LSM14A: variants seen among roughly 807,000 people sequenced by gnomAD.
LSM14A encodes LSM14A mRNA processing body assembly factor, also known as protein LSM14 homolog A.
A neutral mutation model predicts 52.4 loss-of-function variants in LSM14A; 14 were observed. The ratio of observed to expected loss-of-function variants is 0.27; its 90% CI spans 0.18 to 0.42. The LOEUF (loss-of-function observed/expected upper bound fraction) is 0.42. LSM14A is among the 10% of genes least tolerant of loss of function. The pLI is 1.00. For missense variants in LSM14A, 417 were observed against 581.8 expected (o/e 0.72, Z 2.91); for synonymous variants, 185 against 200.3 (o/e 0.92, Z 0.64).
rs1275548737 is a variant in LSM14A, at chr19:34,228,662, C to T, written c.*1274C>T. 1 of 152,572 alleles carries T rather than the reference C, an allele frequency of 6.6e-6. No individual in the cohort carries two copies. Among genetic ancestry groups the T allele is most frequent in the Non-Finnish European group, 1.5e-5 (1 of 68,020 alleles). 9.5% of individuals were successfully genotyped at this position (152,572 alleles called of 1,614,324 possible). A position where few individuals can be genotyped will look rare whatever the true frequency, so the allele number is the denominator to read the frequency against. ...TATTTTAAGCTCTAGTGGGAAAAAT[C>T]TGGCCACTTTTGTGTTTTTATGAAG... On this transcript the variant is annotated 3_prime_UTR_variant, in exon 10 of 10. Coordinates refer to ENST00000544216, the MANE Select transcript of LSM14A (RefSeq NM_015578.4).
intron 1 of LSM14A, among the ~76,000 whole-genome samples, chr19:34,177,084 A>G (rs1489555735): frequency 1.3e-5 from 2 of 152,186 alleles, no homozygotes; most frequent in East Asian, 1.9e-4. Context: ...TGCCTTTGAA[A>G]TCTTTTCCTT....
intron 1 of LSM14A, among the ~76,000 whole-genome samples, chr19:34,193,513 C>A (rs547911161): frequency 6.6e-6 from 1 of 152,232 alleles, no homozygotes; most frequent in African/African-American, 2.4e-5. Context: ...CAAAAAGATT[C>A]GGTAGAAATC....
intron 1 of LSM14A, among the ~76,000 whole-genome samples, chr19:34,174,964 A>T (rs1413513031): frequency 6.6e-6 from 1 of 152,204 alleles, no homozygotes; most frequent in African/African-American, 2.4e-5. Context: ...CTACGAACAT[A>T]TCCTTTTATG....
At chr19:34,185,122 G>A (rs1281946027) in intron 1 of LSM14A, among the ~76,000 whole-genome samples, 1 of 152,210 alleles carries the variant, frequency 6.6e-6, no homozygotes, top group African/African-American at 2.4e-5. Flanking sequence ...TGGCTTTGGG[G>A]TTTTTTCAGT....
chr19:34,211,888 A>T (rs1179211137), intron 4 of LSM14A, among the ~76,000 whole-genome samples: 1 of 152,234 alleles, frequency 6.6e-6, no homozygotes, highest in African/African-American at 2.4e-5. Flanking sequence ...TAGTAGGAGA[A>T]CTTAGTAAAA....
At chr19:34,176,214 T>TA (rs1317347489) in intron 1 of LSM14A, among the ~76,000 whole-genome samples, 1 of 152,232 alleles carries the variant, frequency 6.6e-6, no homozygotes, top group Non-Finnish European at 1.5e-5. Flanking sequence ...AGATCCCTGT[T>TA]ACTGTTTTTA....
At chr19:34,217,652 G>C (rs1458568699) in intron 6 of LSM14A, among the ~76,000 whole-genome samples, 2 of 82,532 alleles carry the variant, frequency 2.4e-5, no homozygotes, top group African/African-American at 4.7e-5. Context: ...TTTTGAGACA[G>C]AGTCAACCTC....
At chr19:34,197,340 T>C (rs77215520) in intron 3 of LSM14A, among the ~76,000 whole-genome samples, 52,999 of 151,504 alleles carry the variant, frequency 0.35, 9,713 homozygotes, top group African/African-American at 0.4. Context: ...ATCCACCTGC[T>C]TCGGCCTCCC....
At chr19:34,212,518 GAA>G (rs1004571605) in intron 4 of LSM14A, among the ~76,000 whole-genome samples, 10 of 152,134 alleles carry the variant, frequency 6.6e-5, no homozygotes, top group Non-Finnish European at 5.9e-5. Flanking sequence ...TTTATTAAAA[GAA>G]AGAGGTGTAT....
chr19:34,196,540 A>G, intron 2 of LSM14A, 94 bp from the exon 3 acceptor site: 1 of 1,229,416 alleles, frequency 8.1e-7, no homozygotes, highest in Non-Finnish European at 1.1e-6. Flanking sequence ...GTTATAATTT[A>G]ATAGTTTTCT....
At chr19:34,221,427 T>G in intron 8 of LSM14A, 80 bp from the exon 9 acceptor site, 1 of 1,425,964 alleles carries the variant, frequency 7.0e-7, no homozygotes, top group Non-Finnish European at 9.5e-7. Flanking sequence ...TAGGCTTAAT[T>G]TGGGAGTAGC....
At position 34,227,479 on chromosome 19, in the gene LSM14A, A is replaced by T; in HGVS notation, c.*91A>T. ...GTCTTTGCAAAGAATGAAGAAGTGA[A>T]TTCGCTGTACATTTGTCACCAGCAC... On this transcript the variant is annotated 3_prime_UTR_variant, in exon 10 of 10. Transcript: ENST00000544216. The T allele has an allele frequency of 2.0e-6, 2 of 999,000 alleles. No homozygotes were observed. The highest frequency in any genetic ancestry group is 5.4e-5 in the East Asian group (2 of 37,158). The allele number at this position is 999,000 out of a possible 1,614,324, so 61.9% of individuals were successfully genotyped here. A position where few individuals can be genotyped will look rare whatever the true frequency, so the allele number is the denominator to read the frequency against.
chr19:34,201,741 A>G (rs1450251271), intron 3 of LSM14A, among the ~76,000 whole-genome samples: 1 of 152,208 alleles, frequency 6.6e-6, no homozygotes, highest in African/African-American at 2.4e-5. Context: ...ATTTAAATGA[A>G]TCTGGATCAC....
intron 4 of LSM14A, among the ~76,000 whole-genome samples, chr19:34,210,475 T>C (rs575230443): frequency 6.6e-6 from 1 of 152,310 alleles, no homozygotes; most frequent in Non-Finnish European, 1.5e-5. Flanking sequence ...TTTCGTGATG[T>C]TGGCCAGGCT....
chr19:34,186,727 G>A (rs940711285), intron 1 of LSM14A, among the ~76,000 whole-genome samples: 1 of 152,140 alleles, frequency 6.6e-6, no homozygotes, highest in African/African-American at 2.4e-5. Context: ...CTGGGACCAG[G>A]TCTTGGAGCT....
At chr19:34,176,322 A>G (rs1025605197) in intron 1 of LSM14A, among the ~76,000 whole-genome samples, 1 of 151,940 alleles carries the variant, frequency 6.6e-6, no homozygotes, top group Non-Finnish European at 1.5e-5. Context: ...TTATTGGGAA[A>G]CCTAACTACA....
At chr19:34,182,466 TTTG>T (rs2069551101) in intron 1 of LSM14A, among the ~76,000 whole-genome samples, 1 of 151,954 alleles carries the variant, frequency 6.6e-6, no homozygotes, top group Non-Finnish European at 1.5e-5. Flanking sequence ...ATCACACTGG[TTTG>T]TTGTTGTTTG....
chr19:34,209,876 A>G (rs1451071638), intron 4 of LSM14A, among the ~76,000 whole-genome samples: 2 of 149,474 alleles, frequency 1.3e-5, no homozygotes, highest in African/African-American at 2.5e-5. Flanking sequence ...AGGTCTCACT[A>G]TGCTGCCCAA....
chr19:34,192,709 T>G (rs981422767), intron 1 of LSM14A, among the ~76,000 whole-genome samples: 1 of 141,224 alleles, frequency 7.1e-6, no homozygotes, highest in Admixed American at 7.4e-5. Context: ...GCGCGGTAGC[T>G]CACGCCTGTG....
Sources: gnomAD v4.1 joint callset for allele counts (sites outside exome capture counted in the v4.1 genomes callset) on GRCh38, gnomAD v4.1.1 for gene constraint, MANE v1.5 for transcripts, NCBI Gene and HGNC (gene_info 2026-07-23, HGNC 2026-07-21) for gene names.